The following XPO4 variants were observed in gnomAD, a reference collection of about 807,000 sequenced individuals.
XPO4 encodes the protein exportin-4.
XPO4 carries 39 observed loss-of-function variants against 143.0 expected under a neutral mutation model. The observed-to-expected ratio is 0.27, with a 90% CI of 0.21 to 0.36. The LOEUF (loss-of-function observed/expected upper bound fraction) is 0.36. Among genes scored for constraint, XPO4 ranks in the 10% least tolerant of loss-of-function variants. The probability of loss-of-function intolerance (pLI) is 1.00; values close to 1 mark genes in which losing one functional copy is unlikely to be tolerated. For missense variants in XPO4, 907 were observed against 1,348.0 expected, an observed-to-expected ratio of 0.67 and a Z score of 5.12; for synonymous variants, 439 against 474.0, an observed-to-expected ratio of 0.93 and a Z score of 0.96.
At chr13:20,861,777 C>CTTTTTTTTTTTTGTTTTTTTTTTTTTTT (rs2060201959) in intron 3 of XPO4, among the ~76,000 whole-genome samples, 1 of 73,394 alleles carries the variant, frequency 1.4e-5, no homozygotes, top group African/African-American at 4.8e-5. Context: ...ACATTTCTCT[C>CTTTTTTTTTTTTGTTTTTTTTTTTTTTT]TTTTTTTTTT....
intron 4 of XPO4, chr13:20,848,626 G>A (rs180741975): frequency 4.1e-4 from 402 of 985,202 alleles, no homozygotes; most frequent in Admixed American, 6.2e-4. Context: ...TACTAAATGT[G>A]TTACACCACT....
intron 9 of XPO4, among the ~76,000 whole-genome samples, chr13:20,813,883 G>A (rs1278257736): frequency 3.3e-5 from 5 of 151,818 alleles, no homozygotes; most frequent in Admixed American, 1.3e-4. Flanking sequence ...GCTTAAACCC[G>A]GGAGGCAGAA....
chr13:20,798,790 C>T (rs1206207224), intron 16 of XPO4, among the ~76,000 whole-genome samples: 5 of 152,040 alleles, frequency 3.3e-5, no homozygotes, highest in Non-Finnish European at 2.9e-5. Flanking sequence ...GAGGCCAAGG[C>T]GGGCAGATTG....
chr13:20,795,065 A>G (rs2059339080), intron 18 of XPO4, among the ~76,000 whole-genome samples: 1 of 152,202 alleles, frequency 6.6e-6, no homozygotes, highest in African/African-American at 2.4e-5. Context: ...AATTAAGGAA[A>G]CAGAACAATC....
intron 4 of XPO4, among the ~76,000 whole-genome samples, chr13:20,845,121 G>T (rs1195586565): frequency 6.6e-6 from 1 of 152,344 alleles, no homozygotes; most frequent in East Asian, 1.9e-4. Flanking sequence ...GCAATGAGCC[G>T]AGATCGCGCC....
chr13:20,872,570 AAAG>A (rs1397524180), intron 1 of XPO4, among the ~76,000 whole-genome samples: 1 of 152,218 alleles, frequency 6.6e-6, no homozygotes, highest in Admixed American at 6.5e-5. Flanking sequence ...CACAAGAAAG[AAAG>A]AAGAAAGACA....
At chr13:20,794,779 A>C (rs796536454) in intron 18 of XPO4, among the ~76,000 whole-genome samples, 1 of 152,164 alleles carries the variant, frequency 6.6e-6, no homozygotes, top group South Asian at 2.1e-4. Context: ...TCCTGGATTA[A>C]GCAGAACTGA....
Position 20,800,275 on chromosome 13 carries a change from C to A in XPO4, c.2028G>T (p.Gln676His). Residue 676 changes from glutamine (Q) to histidine (H), a missense_variant, in exon 15 of 23, where the codon CAG (glutamine) becomes CAT (histidine). Gln to His is a conservative substitution (Grantham distance 24). Coordinates refer to ENST00000255305, the MANE Select transcript of XPO4 (RefSeq NM_022459.5). ...TAFGADTEGSQWIIGYLLQKV... is the reference protein window; with the variant it reads ...TAFGADTEGSHWIIGYLLQKV... Reference sequence around the variant, plus strand: ...TTTGTAAGAGGTAGCCAATTATCCACTGAGAACCCTCTGTATCTGCTCCGA... The same window carrying A: ...TTTGTAAGAGGTAGCCAATTATCCAATGAGAACCCTCTGTATCTGCTCCGA... The A allele has an allele frequency of 6.2e-7, 1 of 1,614,102 alleles. No homozygotes were observed. Among genetic ancestry groups the A allele is most frequent in the Non-Finnish European group, 8.5e-7 (1 of 1,180,010 alleles).
intron 22 of XPO4, among the ~76,000 whole-genome samples, chr13:20,786,067 G>C (rs1372366353): frequency 6.6e-6 from 1 of 152,100 alleles, no homozygotes; most frequent in Non-Finnish European, 1.5e-5. Context: ...ACAAATGACA[G>C]AGAAAGGGCA....
At chr13:20,804,154 A>G (rs944190877) in intron 13 of XPO4, among the ~76,000 whole-genome samples, 2 of 150,678 alleles carry the variant, frequency 1.3e-5, no homozygotes, top group Non-Finnish European at 3.0e-5. Flanking sequence ...ATATATACAC[A>G]CAATATATAT....
In XPO4 at chr13:20,888,227, A is replaced by C. The variant is rs551267646; in HGVS notation, c.69+14443T>G. ...TAATAAGAAAATGAATGATGAAATG[A>C]TATGGAAGAGAGAGGCAATAACTAA... On this transcript the variant is annotated intron_variant, in intron 1 of 22. Transcript: ENST00000255305. Among the ~76,000 whole-genome samples, 153 of 151,800 alleles carry C rather than the reference A, an allele frequency of 1.0e-3. 1 individual carries two copies. Among genetic ancestry groups the C allele is most frequent in the African/African-American group, 3.4e-3 (142 of 41,498 alleles).
intron 1 of XPO4, among the ~76,000 whole-genome samples, chr13:20,897,811 A>G (rs1486970673): frequency 1.3e-5 from 2 of 152,102 alleles, no homozygotes; most frequent in African/African-American, 4.8e-5. Context: ...CTGGAGTGCA[A>G]TGGCACAATC....
intron 6 of XPO4, among the ~76,000 whole-genome samples, chr13:20,830,146 C>T (rs890190047): frequency 6.6e-6 from 1 of 152,110 alleles, no homozygotes; most frequent in Non-Finnish European, 1.5e-5. Flanking sequence ...AGCACACTGT[C>T]CCTGATGCCC....
At chr13:20,896,060 T>C (rs1356015314) in intron 1 of XPO4, among the ~76,000 whole-genome samples, 1 of 152,232 alleles carries the variant, frequency 6.6e-6, no homozygotes, top group Non-Finnish European at 1.5e-5. Flanking sequence ...ACTTGTAGCA[T>C]ACTTCCCTAT....
intron 1 of XPO4, among the ~76,000 whole-genome samples, chr13:20,894,601 G>A (rs2060549882): frequency 6.6e-6 from 1 of 152,050 alleles, no homozygotes; most frequent in African/African-American, 2.4e-5. Context: ...AGCACTTTGG[G>A]AGGCCAAGGC....
At chr13:20,848,744 A>G (rs1157825541) in intron 4 of XPO4, 1 of 985,272 alleles carries the variant, frequency 1.0e-6, no homozygotes, top group African/African-American at 1.7e-5. Flanking sequence ...GCCCAGCACT[A>G]TGTTAACATA....
rs1363539403 is a variant in XPO4, at chr13:20,829,876, TAAA to T, written c.728-2700_728-2698del. On this transcript the variant is annotated intron_variant, in intron 6 of 22. Transcript: ENST00000255305. ...AAGAAATCTTACAAAAGGAAACTAT[TAAA>T]CCTAAACCAAAATTCTCATATAATT... Among the ~76,000 whole-genome samples, 11 of 152,292 alleles carry T rather than the reference TAAA, an allele frequency of 7.2e-5. No individual in the cohort carries two copies. The East Asian group carries it at 2.1e-3, about 29-fold the overall frequency.
intron 6 of XPO4, among the ~76,000 whole-genome samples, chr13:20,839,213 G>A (rs1455866500): frequency 2.0e-5 from 3 of 152,078 alleles, no homozygotes; most frequent in African/African-American, 4.8e-5. Flanking sequence ...GCAGTGAGCC[G>A]AGATCGCGCC....
intron 2 of XPO4, chr13:20,865,634 A>G: frequency 2.1e-6 from 2 of 952,922 alleles, no homozygotes; most frequent in Non-Finnish European, 2.5e-6. Flanking sequence ...ATGAAGACAA[A>G]AGTTAAAGTT....
Sources: gnomAD v4.1 joint callset for allele counts (sites outside exome capture counted in the v4.1 genomes callset) on GRCh38, gnomAD v4.1.1 for gene constraint, MANE v1.5 for transcripts, NCBI Gene and HGNC (gene_info 2026-07-23, HGNC 2026-07-21) for gene names.